LONRF2: variants seen among roughly 807,000 people sequenced by gnomAD.
LONRF2 encodes the protein LON peptidase N-terminal domain and RING finger protein 2.
In LONRF2, 35 loss-of-function variants were observed where a neutral mutation model predicts 66.6. The observed-to-expected ratio is 0.53, with a 90% CI of 0.40 to 0.70. LONRF2 has a LOEUF of 0.70. Ranked by LOEUF, LONRF2 falls within the 30% of genes least tolerant of loss-of-function variation. The pLI is 0.00. For synonymous variants in LONRF2, 417 were observed against 418.1 expected, an observed-to-expected ratio of 1.00 and a Z score of 0.03; for missense variants, 902 against 1,002.1, an observed-to-expected ratio of 0.90 and a Z score of 1.35.
rs1265545403 is a variant in LONRF2 at position 100,277,832 on chromosome 2, T to C, written c.*6466A>G. ...AGTTGCCCCCTTCAGGATGAAAAACTCTGGGACTCTTCCTCACAGATACCC... is the reference window on the plus strand; with the variant it reads ...AGTTGCCCCCTTCAGGATGAAAAACCCTGGGACTCTTCCTCACAGATACCC... On this transcript the variant is annotated 3_prime_UTR_variant, in exon 12 of 12. Transcript: ENST00000393437. 3 of 152,204 alleles carry C rather than the reference T, an allele frequency of 2.0e-5. No individual in the cohort carries two copies. Among genetic ancestry groups the C allele is most frequent in the Non-Finnish European group, 4.4e-5 (3 of 68,064 alleles). 9.4% of individuals were successfully genotyped at this position (152,204 alleles called of 1,614,324 possible).
rs1484033371 is a variant in LONRF2 at position 100,321,573 on chromosome 2, G to A, written c.521C>T (p.Pro174Leu). Residue 174 changes from proline (P) to leucine (L), a missense_variant, in exon 1 of 12, where the codon CCG (proline) becomes CTG (leucine). Pro to Leu is a moderately conservative substitution (Grantham distance 98). Around this residue, in one of 2 missense-constraint regions of LONRF2, gnomAD observed 585 missense variants for 569.9 expected, o/e 1.03. Transcript: ENST00000393437. Reference protein sequence around the residue: ...KRCVEPGPARPQVRRVNVVLS... With the variant: ...KRCVEPGPARLQVRRVNVVLS... Reference sequence around the variant, plus strand: ...CACCACGTTCACGCGCCGCACCTGCGGCCGCGCGGGCCCTGGCTCCACGCA... The same window carrying A: ...CACCACGTTCACGCGCCGCACCTGCAGCCGCGCGGGCCCTGGCTCCACGCA... The A allele has an allele frequency of 2.0e-6, 3 of 1,533,768 alleles. No homozygotes were observed. The highest frequency in any genetic ancestry group is 1.2e-5 in the South Asian group (1 of 84,060).
chr2:100,292,877 CT>C (rs1261542766), intron 9 of LONRF2, among the ~76,000 whole-genome samples: 1 of 152,102 alleles, frequency 6.6e-6, no homozygotes, highest in African/African-American at 2.4e-5. Context: ...TTTTCCCCCC[CT>C]CTCATTTGGA....
chr2:100,297,798 T>C (rs1391192772), intron 7 of LONRF2, among the ~76,000 whole-genome samples: 3 of 152,244 alleles, frequency 2.0e-5, no homozygotes, highest in Non-Finnish European at 4.4e-5. Context: ...AGATTCAGTA[T>C]GCATGCAATT....
In LONRF2 at chr2:100,322,089, C is replaced by A; in HGVS notation, c.5G>T (p.Ser2Ile). 1.6e-6 allele frequency: 2 copies of A among 1,272,988 alleles called. No homozygotes were observed. Among genetic ancestry groups the A allele is most frequent in the Non-Finnish European group, 2.0e-6 (2 of 1,011,596 alleles). 78.9% of individuals were successfully genotyped at this position (1,272,988 alleles called of 1,614,324 possible). A position where few individuals can be genotyped will look rare whatever the true frequency, so the allele number is the denominator to read the frequency against. ...CGGCGGCGGCGGGACCGGCTCGGGGCTCATCACCGCGGGGCTGCGACGACG... is the reference window on the plus strand; with the variant it reads ...CGGCGGCGGCGGGACCGGCTCGGGGATCATCACCGCGGGGCTGCGACGACG... M[S>I]PEPVPPPPPP... is the part of the protein sequence containing the mutation. The change falls in exon 1 of 12, where the codon AGC becomes ATC. Residue 2 changes from serine (S) to isoleucine (I), a missense_variant. Ser to Ile is a moderately radical substitution (Grantham distance 142). This residue lies in a region of LONRF2 where 585 missense variants were observed against 569.9 expected (regional missense o/e 1.03). Coordinates refer to ENST00000393437, the MANE Select transcript of LONRF2 (RefSeq NM_198461.4).
chr2:100,310,058 G>GA (rs138488967), intron 1 of LONRF2, among the ~76,000 whole-genome samples: 8 of 150,484 alleles, frequency 5.3e-5, no homozygotes, highest in South Asian at 2.1e-4. Flanking sequence ...GGAGGGAAAG[G>GA]AAAAAAAAAC....
At chr2:100,319,506 A>G (rs1442392800) in intron 1 of LONRF2, among the ~76,000 whole-genome samples, 1 of 152,104 alleles carries the variant, frequency 6.6e-6, no homozygotes, top group Non-Finnish European at 1.5e-5. Flanking sequence ...CACAATCACT[A>G]TTCCCTTTTC....
At position 100,282,750 on chromosome 2, in the gene LONRF2, T is replaced by C. The variant is rs1015338321; in HGVS notation, c.*1548A>G. 1.3e-5 allele frequency: 2 copies of C among 152,124 alleles called. No homozygotes were observed. Among genetic ancestry groups the C allele is most frequent in the Non-Finnish European group, 2.9e-5 (2 of 68,038 alleles). 9.4% of individuals were successfully genotyped at this position (152,124 alleles called of 1,614,324 possible). ...TGGAAAATACTTTCACATTTTCTCT[T>C]TACAATTAAGTGATGCTGGTATTTT... On this transcript the variant is annotated 3_prime_UTR_variant, in exon 12 of 12. Transcript: ENST00000393437.
At chr2:100,285,283 G>A (rs185822421) in intron 11 of LONRF2, among the ~76,000 whole-genome samples, 70 of 152,288 alleles carry the variant, frequency 4.6e-4, no homozygotes, top group African/African-American at 1.6e-3. Context: ...TAGCACTGTG[G>A]CCAAAGCTCA....
rs779103402 is a variant in LONRF2 at position 100,294,374 on chromosome 2, C to T, written c.1612G>A (p.Val538Ile). Residue 538 changes from valine to isoleucine, a missense_variant, in exon 9 of 12, where the codon GTC (valine) becomes ATC (isoleucine). This residue lies in a region of LONRF2 where 317 missense variants were observed against 432.2 expected (regional missense o/e 0.73). Coordinates refer to ENST00000393437, the MANE Select transcript of LONRF2 (RefSeq NM_198461.4). ...MSELSNLTRD[V>I]PIFVCAMAFP... ...GCCATGGCACACACAAAGATGGGGA[C>T]GTCTCTGGTCAGACTGCAGAGCAAG... is the stretch of plus-strand genomic sequence containing the variant. 5.7e-6 allele frequency: 9 copies of T among 1,586,552 alleles called. No individual in the cohort carries two copies. Among genetic ancestry groups the T allele is most frequent in the South Asian group, 2.3e-5 (2 of 86,818 alleles).
intron 11 of LONRF2, among the ~76,000 whole-genome samples, chr2:100,286,067 G>A (rs978567650): frequency 6.6e-6 from 1 of 152,124 alleles, no homozygotes; most frequent in African/African-American, 2.4e-5. Context: ...GGGCAAGCCA[G>A]GAAGGACTTA....
rs1319796443 is a variant in LONRF2 at position 100,277,629 on chromosome 2, T to G, written c.*6669A>C. ...GCATTGCCAACCCTCATATAAATGA[T>G]GGAGCCCAAGAGAATGTTGCTGCTT... On this transcript the variant is annotated 3_prime_UTR_variant, in exon 12 of 12. Transcript: ENST00000393437. 6 of 152,148 alleles carry G rather than the reference T, an allele frequency of 3.9e-5. No individual in the cohort carries two copies. The highest frequency in any genetic ancestry group is 1.4e-4 in the African/African-American group (6 of 41,426). 9.4% of individuals were successfully genotyped at this position (152,148 alleles called of 1,614,324 possible).
intron 3 of LONRF2, among the ~76,000 whole-genome samples, chr2:100,301,753 G>A (rs1675189716): frequency 1.3e-5 from 2 of 152,248 alleles, no homozygotes; most frequent in South Asian, 4.1e-4. Context: ...TGGTGAATGT[G>A]CTTCATCTCT....
Position 100,321,455 on chromosome 2 carries a change from C to G in LONRF2, c.639G>C (p.Pro213=), listed in dbSNP as rs1248296470. 6 of 1,498,078 alleles carry G rather than the reference C, an allele frequency of 4.0e-6. No individual in the cohort carries two copies. The highest frequency in any genetic ancestry group is 5.3e-6 in the Non-Finnish European group (6 of 1,134,662). 92.8% of individuals were successfully genotyped at this position (1,498,078 alleles called of 1,614,324 possible). A position where few individuals can be genotyped will look rare whatever the true frequency, so the allele number is the denominator to read the frequency against. ...GGTCGCACCTGAGCAGCGCGGCCTC[C>G]GGCTGCTGCTGGCGCTGCAGGCTCC... ...QARSLQRQQQ[P]EAALLRCDQA... is the part of the protein sequence containing the mutation. Residue 213 remains proline, a synonymous_variant, in exon 1 of 12, where the codon CCG becomes CCC. Coordinates refer to ENST00000393437, the MANE Select transcript of LONRF2 (RefSeq NM_198461.4).
intron 2 of LONRF2, among the ~76,000 whole-genome samples, chr2:100,306,074 T>G (rs114371418): frequency 0.04 from 6,095 of 150,610 alleles, 339 homozygotes; most frequent in South Asian, 0.18. Flanking sequence ...TGGCTATTTT[T>G]TGTGTGTGTG....
In LONRF2 at chr2:100,290,227, C is replaced by T. The variant is rs113654545; in HGVS notation, c.1920+31G>A. On this transcript the variant is annotated intron_variant, in intron 10 of 11. Coordinates refer to ENST00000393437, the MANE Select transcript of LONRF2 (RefSeq NM_198461.4). ...CAAAGGGAAGCGAGAGGACCGACTGCTATAAAATACACCAGTATGATAAGC... is the reference window on the plus strand; with the variant it reads ...CAAAGGGAAGCGAGAGGACCGACTGTTATAAAATACACCAGTATGATAAGC... 4.9e-5 allele frequency: 77 copies of T among 1,586,326 alleles called. 1 individual carries two copies. The African/African-American group carries it at 8.2e-4, about 17-fold the overall frequency.
chr2:100,321,802 G>A lies in LONRF2; in HGVS notation c.292C>T (p.Leu98=). ...ACGGCGCGCACCAGGCCGCCCGCCAGCTCTTCCAGCTCCTCCGGCCGCAGC... is the reference window on the plus strand; with the variant it reads ...ACGGCGCGCACCAGGCCGCCCGCCAACTCTTCCAGCTCCTCCGGCCGCAGC... ...GALRPEELEE[L]AGGLVRAVGL... Residue 98 remains leucine, a synonymous_variant, in exon 1 of 12, where the codon CTG becomes TTG. Coordinates refer to ENST00000393437, the MANE Select transcript of LONRF2 (RefSeq NM_198461.4). 1 of 1,078,412 alleles carries A rather than the reference G, an allele frequency of 9.3e-7. No homozygotes were observed. The highest frequency in any genetic ancestry group is 1.1e-6 in the Non-Finnish European group (1 of 890,260). The allele number at this position is 1,078,412 out of a possible 1,614,324, so 66.8% of individuals were successfully genotyped here.
At chr2:100,287,094 AC>A in intron 10 of LONRF2, 31 bp from the exon 11 acceptor site, 1 of 1,608,880 alleles carries the variant, frequency 6.2e-7, no homozygotes, top group South Asian at 1.1e-5. Flanking sequence ...AGCTGTGTGA[AC>A]CATTCACAGT....
chr2:100,304,439 C>A (rs1299403987), intron 2 of LONRF2, among the ~76,000 whole-genome samples: 4 of 151,946 alleles, frequency 2.6e-5, no homozygotes, highest in African/African-American at 9.7e-5. Context: ...ATGAACCCAG[C>A]CAGAATTTCC....
At chr2:100,301,292 G>C (rs1675180706) in intron 3 of LONRF2, among the ~76,000 whole-genome samples, 1 of 152,188 alleles carries the variant, frequency 6.6e-6, no homozygotes, top group African/African-American at 2.4e-5. Context: ...GTGGGGGCAG[G>C]GGAAGGGTGG....
Sources: gnomAD v4.1 joint callset for allele counts (sites outside exome capture counted in the v4.1 genomes callset) on GRCh38, gnomAD v4.1.1 for gene constraint, gnomAD v4.1.1 regional missense constraint, MANE v1.5 for transcripts, NCBI Gene and HGNC (gene_info 2026-07-23, HGNC 2026-07-21) for gene names.